SYTL5: variants seen among roughly 807,000 people sequenced by gnomAD.
SYTL5 encodes synaptotagmin-like protein 5.
SYTL5 carries 34 observed loss-of-function variants against 55.9 expected under a neutral mutation model. The ratio of observed to expected loss-of-function variants is 0.61; its 90% CI spans 0.46 to 0.81. The LOEUF (loss-of-function observed/expected upper bound fraction) is 0.81, where lower values mean the gene tolerates loss of function less well. SYTL5 is among the 30% of genes least tolerant of loss of function. SYTL5 has a pLI of 0.00. For missense variants in SYTL5, 637 were observed against 546.7 expected (o/e 1.17, Z -1.65); for synonymous variants, 221 against 188.7 (o/e 1.17, Z -1.40).
At chrX:37,977,408 G>A in the SYTL5 span, among the ~76,000 whole-genome samples, 1 of 110,212 alleles carries the variant, frequency 9.1e-6, no homozygotes, top group African/African-American at 3.3e-5. Flanking sequence ...TATGAAAGGC[G>A]TTCCAGGTAA....
chrX:38,072,596 A>C (rs1479705046), intron 4 of SYTL5, among the ~76,000 whole-genome samples: 1 of 111,955 alleles, frequency 8.9e-6, no homozygotes, highest in Non-Finnish European at 1.9e-5. Flanking sequence ...AAGATTGATA[A>C]TATGTACCTT....
chrX:38,083,774 ATGTGTGTGTG>A (rs3068306), intron 6 of SYTL5, among the ~76,000 whole-genome samples: 6 of 94,324 alleles, frequency 6.4e-5, no homozygotes, highest in Non-Finnish European at 1.0e-4. Context: ...AAATAGACTC[ATGTGTGTGTG>A]TGTGTGTGTG....
At chrX:38,069,424 G>A (rs922059256) in intron 3 of SYTL5, among the ~76,000 whole-genome samples, 1 of 111,673 alleles carries the variant, frequency 9.0e-6, no homozygotes, top group Admixed American at 9.5e-5. Context: ...GTTCATTCTT[G>A]TGGACAGAAT....
intron 2 of SYTL5, among the ~76,000 whole-genome samples, chrX:38,043,702 T>TATATATATATATATAC (rs1336463479): frequency 1.1e-5 from 1 of 89,716 alleles, no homozygotes; most frequent in Non-Finnish European, 2.2e-5. Flanking sequence ...CATATATATA[T>TATATATATATATATAC]ACATATTTTC....
At chrX:38,111,853 C>A in intron 13 of SYTL5, among the ~76,000 whole-genome samples, 1 of 112,036 alleles carries the variant, frequency 8.9e-6, no homozygotes, top group Non-Finnish European at 1.9e-5. Flanking sequence ...TCAGAATATA[C>A]CCTGGTTCTG....
the SYTL5 span, among the ~76,000 whole-genome samples, chrX:37,921,384 C>G: frequency 9.0e-6 from 1 of 110,903 alleles, no homozygotes; most frequent in Non-Finnish European, 1.9e-5. Context: ...GAAGAAATTA[C>G]AGATCCGGGA....
Position 38,054,085 on chromosome X carries a change from G to A in SYTL5, c.120-128G>A, listed in dbSNP as rs765265423. ...AAAATTCTAAGTGAGATTGCATGGT[G>A]GTCCCCAGTTTAAAGCAGCCTTATT... On this transcript the variant is annotated intron_variant, in intron 2 of 16. Transcript: ENST00000297875. 194 of 489,437 alleles carry A rather than the reference G, an allele frequency of 4.0e-4. No individual in the cohort carries two copies. The East Asian group carries it at 7.1e-3, about 18-fold the overall frequency. 40.3% of individuals were successfully genotyped at this position (489,437 alleles called of 1,213,427 possible).
At chrX:38,002,316 C>T (rs1933878236), upstream of SYTL5, among the ~76,000 whole-genome samples, 2 of 111,810 alleles carry the variant, frequency 1.8e-5, no homozygotes, top group South Asian at 7.5e-4. Flanking sequence ...AATAGTGCTG[C>T]AATAAACATA....
the SYTL5 span, among the ~76,000 whole-genome samples, chrX:37,926,828 G>A: frequency 0.042 from 4,694 of 111,429 alleles, 240 homozygotes; most frequent in African/African-American, 0.15. Flanking sequence ...TCTAATCTTC[G>A]TTTCTTTTTT....
chrX:38,054,538 T>C, intron 3 of SYTL5, 116 bp downstream of exon 3: 1 of 681,985 alleles, frequency 1.5e-6, no homozygotes, highest in African/African-American at 2.2e-5. Flanking sequence ...GCAGGTGAAA[T>C]TACAGCCCAA....
chrX:38,117,695 C>T (rs2147682305), intron 13 of SYTL5, among the ~76,000 whole-genome samples: 1 of 111,827 alleles, frequency 8.9e-6, no homozygotes, highest in South Asian at 3.8e-4. Flanking sequence ...ATTGATTGTT[C>T]GAGTTGGCTC....
At chrX:38,110,015 A>T in intron 12 of SYTL5, among the ~76,000 whole-genome samples, 1 of 110,921 alleles carries the variant, frequency 9.0e-6, no homozygotes, top group Admixed American at 9.6e-5. Context: ...AAAATGAAAA[A>T]CCAATAAAAC....
In SYTL5 at chrX:38,125,412, T is replaced by C; in HGVS notation, c.1956T>C (p.Asp652=). Residue 652 remains aspartate, a synonymous_variant, in exon 16 of 17, where the codon GAT becomes GAC. Transcript: ENST00000297875. ...TGTTCAGTGGCATCCATCCCCAGGATATAAAGAATGTTTGCCTAGAACTTA... is the reference window on the plus strand; with the variant it reads ...TGTTCAGTGGCATCCATCCCCAGGACATAAAGAATGTTTGCCTAGAACTTA... The part of the protein sequence containing the change: ...TFMFSGIHPQ[D]IKNVCLELTI... The C allele has an allele frequency of 1.7e-6, 2 of 1,210,909 alleles. No homozygotes were observed. The highest frequency in any genetic ancestry group is 2.2e-6 in the Non-Finnish European group (2 of 894,523).
chrX:38,126,348 G>A (rs1937644642), intron 16 of SYTL5, among the ~76,000 whole-genome samples: 1 of 112,242 alleles, frequency 8.9e-6, no homozygotes, highest in Non-Finnish European at 1.9e-5. Context: ...GCTAAAGTAG[G>A]GAGGAAGTGA....
At chrX:38,078,505 C>T (rs1422756566) in intron 6 of SYTL5, among the ~76,000 whole-genome samples, 8 of 110,944 alleles carry the variant, frequency 7.2e-5, no homozygotes, top group Non-Finnish European at 1.9e-5. Flanking sequence ...CATGATCCAC[C>T]CGCCTCGGCC....
At chrX:38,054,527 TGCAG>T in intron 3 of SYTL5, 105 bp downstream of exon 3, 1 of 788,805 alleles carries the variant, frequency 1.3e-6, no homozygotes. Flanking sequence ...GGATAGAGAG[TGCAG>T]GTGAAATTAC....
chrX:38,062,326 G>C (rs1330912170), intron 3 of SYTL5, among the ~76,000 whole-genome samples: 13 of 111,875 alleles, frequency 1.2e-4, no homozygotes, highest in Non-Finnish European at 1.7e-4. Flanking sequence ...TTCATGCTAT[G>C]TTGCAACATA....
At chrX:38,065,875 G>A (rs774298535) in intron 3 of SYTL5, among the ~76,000 whole-genome samples, 20 of 111,512 alleles carry the variant, frequency 1.8e-4, no homozygotes, top group African/African-American at 5.9e-4. Context: ...AGAGGTGGGC[G>A]GATCACTTGA....
At chrX:38,034,482 T>C (rs1409730982) in intron 2 of SYTL5, among the ~76,000 whole-genome samples, 1 of 112,607 alleles carries the variant, frequency 8.9e-6, no homozygotes, top group African/African-American at 3.2e-5. Flanking sequence ...TATTATTTAT[T>C]TGTAATGCCA....
Sources: gnomAD v4.1 joint callset for allele counts (sites outside exome capture counted in the v4.1 genomes callset) on GRCh38, gnomAD v4.1.1 for gene constraint, MANE v1.5 for transcripts, NCBI Gene and HGNC (gene_info 2026-07-23, HGNC 2026-07-21) for gene names.